Variants in INSC observed in about 807,000 individuals in gnomAD.
INSC encodes protein inscuteable homolog.
INSC carries 67 observed loss-of-function variants against 58.6 expected under a neutral mutation model. The observed-to-expected ratio is 1.14, with a 90% CI of 0.94 to 1.40. The LOEUF (loss-of-function observed/expected upper bound fraction) is 1.40. Ranked by LOEUF, INSC falls within the 40% of genes most tolerant of loss-of-function variation. INSC has a pLI of 0.00. For synonymous variants in INSC, 262 were observed against 276.1 expected (o/e 0.95, Z 0.51); for missense variants, 714 against 692.0 (o/e 1.03, Z -0.36).
chr11:15,164,766 A>G (rs1317827286), intron 2 of INSC, among the ~76,000 whole-genome samples: 2 of 152,116 alleles, frequency 1.3e-5, no homozygotes, highest in African/African-American at 4.8e-5. Context: ...ATCTCGAATT[A>G]TGGCTCCCAT....
chr11:15,192,979 G>A (rs1850235027), intron 6 of INSC, among the ~76,000 whole-genome samples: 1 of 152,178 alleles, frequency 6.6e-6, no homozygotes, highest in Non-Finnish European at 1.5e-5. Context: ...CTGTGAGGAG[G>A]GTGGTACTAA....
intron 9 of INSC, among the ~76,000 whole-genome samples, chr11:15,226,740 A>G (rs1253105740): frequency 6.6e-6 from 1 of 152,168 alleles, no homozygotes; most frequent in Non-Finnish European, 1.5e-5. Context: ...GCCTTCCCTG[A>G]TGGTTTCAGC....
In INSC at chr11:15,175,958, G is replaced by A. The variant is rs764724769; in HGVS notation, c.274G>A (p.Gly92Arg). 8 of 1,613,920 alleles carry A rather than the reference G, an allele frequency of 5.0e-6. No individual in the cohort carries two copies. The Admixed American group carries it at 1.0e-4, about 20-fold the overall frequency. ...CATTAGCACAGAGCTGCGCAGGATC[G>A]GGCAGAAGCTGGCCCAGGACCGCTG... Reference protein sequence around the residue: ...WVISTELRRIGQKLAQDRWAR... With the variant: ...WVISTELRRIRQKLAQDRWAR... Residue 92 changes from glycine (G) to arginine (R), a missense_variant, in exon 3 of 13, where the codon GGG becomes AGG. By Grantham distance (125) the Gly-to-Arg change is moderately radical (BLOSUM62 -2). Coordinates refer to ENST00000379556, the MANE Select transcript of INSC (RefSeq NM_001042536.3).
At chr11:15,165,576 G>A (rs1260768965) in intron 2 of INSC, among the ~76,000 whole-genome samples, 2 of 152,178 alleles carry the variant, frequency 1.3e-5, no homozygotes, top group African/African-American at 4.8e-5. Flanking sequence ...TCTGGTGGGA[G>A]CAGTGGTAAC....
chr11:15,247,733 G>GTA (rs57312382), downstream of INSC, among the ~76,000 whole-genome samples: 1,790 of 127,404 alleles, frequency 0.014, 47 homozygotes, highest in African/African-American at 0.025. Context: ...TAGAAATAAG[G>GTA]TATATATATA....
intron 9 of INSC, among the ~76,000 whole-genome samples, chr11:15,232,155 G>A (rs1401738128): frequency 3.3e-5 from 5 of 152,178 alleles, no homozygotes; most frequent in Non-Finnish European, 7.3e-5. Context: ...TACACACTTT[G>A]CTGTTCTTCT....
At chr11:15,155,749 G>GTTCC (rs1349653480) in intron 2 of INSC, among the ~76,000 whole-genome samples, 2 of 152,154 alleles carry the variant, frequency 1.3e-5, no homozygotes, top group African/African-American at 2.4e-5. Context: ...GACTTTTAAA[G>GTTCC]TTCCATTCTA....
chr11:15,267,779 C>G, the INSC span, among the ~76,000 whole-genome samples: 1 of 151,946 alleles, frequency 6.6e-6, no homozygotes, highest in Non-Finnish European at 1.5e-5. Context: ...GTTCTAGTTT[C>G]ATGCTTCTTT....
chr11:15,251,689 T>C (rs138636178), downstream of INSC, among the ~76,000 whole-genome samples: 92 of 152,238 alleles, frequency 6.0e-4, no homozygotes, highest in Admixed American at 1.6e-3. Context: ...AAATCAAAAT[T>C]GCAATGAGGT....
the INSC span, among the ~76,000 whole-genome samples, chr11:15,254,214 C>A: frequency 6.6e-6 from 1 of 152,048 alleles, no homozygotes; most frequent in African/African-American, 2.4e-5. Context: ...GGGATAGAAT[C>A]CATATCTCTT....
upstream of INSC, among the ~76,000 whole-genome samples, chr11:15,112,910 A>G (rs901201573): frequency 2.0e-5 from 3 of 152,088 alleles, no homozygotes; most frequent in South Asian, 2.1e-4. Context: ...AGAGATTTTT[A>G]TGTTCCCCAA....
chr11:15,268,749 T>A, the INSC span, among the ~76,000 whole-genome samples: 1 of 152,108 alleles, frequency 6.6e-6, no homozygotes, highest in African/African-American at 2.4e-5. Flanking sequence ...ATTCAGAGTC[T>A]GTCTATGTAT....
intron 1 of INSC, among the ~76,000 whole-genome samples, chr11:15,116,837 CTT>C (rs1386489628): frequency 4.7e-5 from 2 of 42,504 alleles, no homozygotes; most frequent in African/African-American, 2.9e-4. Flanking sequence ...TTCTTTCTTT[CTT>C]TCTTTCTTTC....
the INSC span, among the ~76,000 whole-genome samples, chr11:15,256,949 C>T: frequency 4.4e-4 from 67 of 152,312 alleles, no homozygotes; most frequent in South Asian, 1.5e-3. Flanking sequence ...GAGCTTGGGA[C>T]ATTCAACTGT....
At chr11:15,126,736 A>C (rs986929094) in intron 1 of INSC, among the ~76,000 whole-genome samples, 9 of 152,200 alleles carry the variant, frequency 5.9e-5, no homozygotes, top group African/African-American at 2.4e-5. Context: ...AAGAAGAAGA[A>C]AATTGTTCTG....
rs1387447466 is a variant in INSC at position 15,164,209 on chromosome 11, A to G, written c.57-11532A>G. ...TCTTTATTCTCTTTTTAAAATAACTATATATGGGATGAGACTACAATAACT... is the reference window on the plus strand; with the variant it reads ...TCTTTATTCTCTTTTTAAAATAACTGTATATGGGATGAGACTACAATAACT... On this transcript the variant is annotated intron_variant, in intron 2 of 12. Transcript: ENST00000379556. Among the ~76,000 whole-genome samples, 3 of 152,184 alleles carry G rather than the reference A, an allele frequency of 2.0e-5. No individual in the cohort carries two copies. In the East Asian group the frequency reaches 5.8e-4, roughly 29 times the overall value.
intron 5 of INSC, among the ~76,000 whole-genome samples, chr11:15,178,919 G>T (rs1459189753): frequency 6.6e-6 from 1 of 152,192 alleles, no homozygotes. Context: ...TTTACCCGAT[G>T]GGTCCTTACT....
the INSC span, among the ~76,000 whole-genome samples, chr11:15,260,863 T>A: frequency 6.6e-6 from 1 of 152,190 alleles, no homozygotes; most frequent in Non-Finnish European, 1.5e-5. Context: ...GGTTTACTAT[T>A]AGTTAGCTTA....
the INSC span, among the ~76,000 whole-genome samples, chr11:15,259,647 G>A: frequency 6.6e-6 from 1 of 152,136 alleles, no homozygotes; most frequent in African/African-American, 2.4e-5. Context: ...GTGCGAGACA[G>A]TTTACATGCA....
Sources: gnomAD v4.1 joint callset for allele counts (sites outside exome capture counted in the v4.1 genomes callset) on GRCh38, gnomAD v4.1.1 for gene constraint, MANE v1.5 for transcripts, NCBI Gene and HGNC (gene_info 2026-07-23, HGNC 2026-07-21) for gene names.